Variants in PTPRN2 observed in about 807,000 individuals in gnomAD.
The protein encoded by PTPRN2 is protein tyrosine phosphatase receptor type N2, also known as receptor-type tyrosine-protein phosphatase N2.
In PTPRN2, 74 loss-of-function variants were observed where a neutral mutation model predicts 118.8. That is an observed-to-expected ratio of 0.62 (90% CI 0.52 to 0.76). PTPRN2 has a LOEUF of 0.76. PTPRN2 is among the 30% of genes least tolerant of loss of function. The probability of loss-of-function intolerance (pLI) is 0.00; values close to 1 mark genes in which losing one functional copy is unlikely to be tolerated. For missense variants in PTPRN2, 1,481 were observed against 1,394.4 expected (o/e 1.06, Z -0.99); for synonymous variants, 641 against 608.0 (o/e 1.05, Z -0.80).
intron 3 of PTPRN2, among the ~76,000 whole-genome samples, chr7:158,254,682 C>T (rs1796907331): frequency 1.3e-5 from 2 of 151,712 alleles, no homozygotes; most frequent in Non-Finnish European, 2.9e-5. Flanking sequence ...AGGAGCATCC[C>T]TGTAACTGGA....
chr7:158,132,236 C>T (rs948509425), intron 9 of PTPRN2, among the ~76,000 whole-genome samples: 4 of 149,220 alleles, frequency 2.7e-5, no homozygotes, highest in South Asian at 2.2e-4. Flanking sequence ...GCACATCATA[C>T]GGATAACACA....
chr7:157,963,368 A>G (rs567469002), intron 11 of PTPRN2, among the ~76,000 whole-genome samples: 2 of 152,396 alleles, frequency 1.3e-5, no homozygotes, highest in East Asian at 3.9e-4. Flanking sequence ...GTTTTGGAGC[A>G]ATCTACAATT....
At chr7:158,360,125 A>T (rs1476731354) in intron 2 of PTPRN2, among the ~76,000 whole-genome samples, 1 of 68,918 alleles carries the variant, frequency 1.5e-5, no homozygotes, top group Non-Finnish European at 2.9e-5. Flanking sequence ...ACCCTCACCC[A>T]GGACGACGCA....
At chr7:158,193,505 C>A (rs929533580) in intron 4 of PTPRN2, among the ~76,000 whole-genome samples, 2 of 152,092 alleles carry the variant, frequency 1.3e-5, no homozygotes, top group Non-Finnish European at 2.9e-5. Context: ...TTATGGGGAG[C>A]CCTGGTGGAG....
At chr7:158,270,500 G>A (rs1030588451) in intron 3 of PTPRN2, among the ~76,000 whole-genome samples, 14 of 152,050 alleles carry the variant, frequency 9.2e-5, no homozygotes, top group African/African-American at 2.7e-4. Flanking sequence ...ACGTGCCCCC[G>A]ACCCCCTGGC....
At chr7:158,442,220 G>A (rs2129435068) in intron 2 of PTPRN2, among the ~76,000 whole-genome samples, 1 of 152,146 alleles carries the variant, frequency 6.6e-6, no homozygotes, top group South Asian at 2.1e-4. Context: ...GATGGTGGCA[G>A]CAAGGAAATC....
intron 2 of PTPRN2, among the ~76,000 whole-genome samples, chr7:158,459,796 T>G (rs1818838856): frequency 6.8e-6 from 1 of 147,656 alleles, no homozygotes; most frequent in African/African-American, 2.5e-5. Context: ...ATGCTCCTCC[T>G]AGAGGGGCTG....
intron 19 of PTPRN2, among the ~76,000 whole-genome samples, chr7:157,573,114 C>G (rs1799842945): frequency 6.6e-6 from 1 of 152,220 alleles, no homozygotes; most frequent in Admixed American, 6.5e-5. Context: ...ATCGAGGGCT[C>G]CTGATGACAG....
intron 2 of PTPRN2, among the ~76,000 whole-genome samples, chr7:158,389,870 G>A (rs1811792086): frequency 6.6e-6 from 1 of 152,232 alleles, no homozygotes; most frequent in Non-Finnish European, 1.5e-5. Flanking sequence ...AGCAAAGGTT[G>A]TGGGATGTTA....
At chr7:158,122,600 G>A (rs1184915822) in intron 9 of PTPRN2, among the ~76,000 whole-genome samples, 7 of 152,208 alleles carry the variant, frequency 4.6e-5, no homozygotes, top group Non-Finnish European at 7.4e-5. Flanking sequence ...CTCCTGTGCT[G>A]GACGCCACAC....
At chr7:157,866,761 C>A (rs1234967935) in intron 12 of PTPRN2, among the ~76,000 whole-genome samples, 1 of 151,704 alleles carries the variant, frequency 6.6e-6, no homozygotes, top group African/African-American at 2.4e-5. Context: ...CGGCCACCAC[C>A]CCGCCCCTGA....
Position 158,465,313 on chromosome 7 carries a change from G to A in PTPRN2, c.163+24422C>T, listed in dbSNP as rs77951981. On this transcript the variant is annotated intron_variant, in intron 2 of 22. Coordinates refer to ENST00000389418, the MANE Select transcript of PTPRN2 (RefSeq NM_002847.5). ...CTGGATGTCTCTTCTTTCCCACCCC[G>A]TGACCCCTTTGAATTCTTAAAATGC... is the stretch of plus-strand genomic sequence containing the variant. Among the ~76,000 whole-genome samples, 83 of 152,190 alleles carry A rather than the reference G, an allele frequency of 5.5e-4. 1 individual carries two copies. In the Middle Eastern group the frequency reaches 0.01, roughly 19 times the overall value.
At chr7:158,508,369 CA>C (rs758545046) in intron 1 of PTPRN2, among the ~76,000 whole-genome samples, 2 of 152,196 alleles carry the variant, frequency 1.3e-5, no homozygotes, top group African/African-American at 2.4e-5. Flanking sequence ...GTGTATGTGG[CA>C]CCTGTCCAAG....
chr7:157,899,466 C>T (rs1239469258), intron 11 of PTPRN2, among the ~76,000 whole-genome samples: 3 of 152,212 alleles, frequency 2.0e-5, no homozygotes, highest in Middle Eastern at 3.2e-3. Context: ...CCTTGGCTTA[C>T]GACTCTGTGG....
chr7:158,583,553 G>C (rs575498776), intron 1 of PTPRN2, among the ~76,000 whole-genome samples: 1 of 151,850 alleles, frequency 6.6e-6, no homozygotes, highest in Non-Finnish European at 1.5e-5. Flanking sequence ...GCTGCCAGAC[G>C]CTAACACACA....
chr7:157,897,288 C>T (rs1797184404), intron 12 of PTPRN2, among the ~76,000 whole-genome samples: 3 of 152,286 alleles, frequency 2.0e-5, no homozygotes, highest in Admixed American at 2.0e-4. Context: ...GACTCACGGC[C>T]CGGTCACAGC....
At chr7:157,682,633 TG>T in intron 13 of PTPRN2, 91 bp downstream of exon 13, 1 of 1,288,530 alleles carries the variant, frequency 7.8e-7, no homozygotes, top group Non-Finnish European at 1.1e-6. Flanking sequence ...GAACAACTGC[TG>T]GGAATGGAGG....
intron 2 of PTPRN2, among the ~76,000 whole-genome samples, chr7:158,467,871 G>C (rs1670360): frequency 0.69 from 104,855 of 151,998 alleles, 36,427 homozygotes; most frequent in Admixed American, 0.78. Context: ...GGAAGGCCCT[G>C]TTGATGTTTC....
At chr7:158,451,296 T>C (rs539919310) in intron 2 of PTPRN2, among the ~76,000 whole-genome samples, 1 of 152,342 alleles carries the variant, frequency 6.6e-6, no homozygotes, top group South Asian at 2.1e-4. Flanking sequence ...TTCTGTGGCT[T>C]GTCTTTTAAT....
Sources: allele counts gnomAD v4.1 joint callset (sites outside exome capture counted in the v4.1 genomes callset), GRCh38; gene constraint gnomAD v4.1.1; transcripts MANE v1.5; gene names NCBI Gene and HGNC (gene_info 2026-07-23, HGNC 2026-07-21).